The following CADPS2 variants were observed in gnomAD, a reference collection of about 807,000 sequenced individuals.
The protein encoded by CADPS2 is calcium-dependent secretion activator 2.
Under a neutral mutation model 172.5 loss-of-function variants are expected in CADPS2, and 93 were observed. The observed-to-expected ratio is 0.54, with a 90% confidence interval of 0.46 to 0.64. The LOEUF (loss-of-function observed/expected upper bound fraction) is 0.64. Among genes scored for constraint, CADPS2 ranks in the 30% least tolerant of loss-of-function variants. The pLI is 0.00. For synonymous variants in CADPS2, 546 were observed against 555.2 expected (o/e 0.98, Z 0.23); for missense variants, 1,420 against 1,565.9 (o/e 0.91, Z 1.57).
chr7:122,425,261 G>A (rs183261733), intron 17 of CADPS2, among the ~76,000 whole-genome samples: 1 of 151,672 alleles, frequency 6.6e-6, no homozygotes, highest in Non-Finnish European at 1.5e-5. Context: ...GATTACATTC[G>A]TGAGCCACCA....
At chr7:122,679,661 C>T (rs1246900189) in intron 2 of CADPS2, among the ~76,000 whole-genome samples, 2 of 152,142 alleles carry the variant, frequency 1.3e-5, no homozygotes, top group African/African-American at 4.8e-5. Context: ...GGTTTTACGG[C>T]TCAGGGGGCA....
chr7:122,784,559 C>A (rs1243846627), intron 1 of CADPS2, among the ~76,000 whole-genome samples: 1 of 152,148 alleles, frequency 6.6e-6, no homozygotes, highest in Non-Finnish European at 1.5e-5. Context: ...TTTTCTTAAT[C>A]TAGGCAGGAA....
chr7:122,447,363 G>C (rs1586135462), intron 15 of CADPS2, among the ~76,000 whole-genome samples: 2 of 151,452 alleles, frequency 1.3e-5, no homozygotes, highest in East Asian at 3.9e-4. Context: ...ATTCCAAGTG[G>C]GCAAATATCT....
chr7:122,811,442 CT>C (rs1357716623), intron 1 of CADPS2, among the ~76,000 whole-genome samples: 2 of 152,150 alleles, frequency 1.3e-5, no homozygotes, highest in Non-Finnish European at 2.9e-5. Flanking sequence ...GTAGCTGCTT[CT>C]AGTAAATTGA....
intron 15 of CADPS2, among the ~76,000 whole-genome samples, chr7:122,449,828 T>C (rs1341545300): frequency 6.6e-6 from 1 of 152,086 alleles, no homozygotes; most frequent in African/African-American, 2.4e-5. Context: ...CACTGTGGGA[T>C]TGTCTCATGT....
chr7:122,868,998 C>A (rs148228502), intron 1 of CADPS2, among the ~76,000 whole-genome samples: 1 of 151,716 alleles, frequency 6.6e-6, no homozygotes, highest in Non-Finnish European at 1.5e-5. Context: ...TGGAAATCAT[C>A]GAATCTGAGG....
chr7:122,576,783 T>C (rs1474178253), intron 7 of CADPS2, among the ~76,000 whole-genome samples: 12 of 151,480 alleles, frequency 7.9e-5, no homozygotes, highest in Non-Finnish European at 1.5e-4. Context: ...ATTTTTTTTT[T>C]TTTTTTTGAG....
chr7:122,627,206 C>T (rs1031179212), intron 4 of CADPS2, among the ~76,000 whole-genome samples: 4 of 152,174 alleles, frequency 2.6e-5, no homozygotes, highest in African/African-American at 9.7e-5. Flanking sequence ...CCTCAATTTC[C>T]TCTTCTATAA....
At chr7:122,798,590 C>G (rs967984871) in intron 1 of CADPS2, among the ~76,000 whole-genome samples, 1 of 152,128 alleles carries the variant, frequency 6.6e-6, no homozygotes, top group African/African-American at 2.4e-5. Flanking sequence ...ACAGGGAAAT[C>G]TTTCTGACAA....
intron 2 of CADPS2, among the ~76,000 whole-genome samples, chr7:122,687,503 T>TAAC (rs1465083783): frequency 2.0e-5 from 3 of 152,234 alleles, no homozygotes; most frequent in African/African-American, 7.2e-5. Context: ...ACCAGCTGTT[T>TAAC]AACTTTGGGC....
intron 8 of CADPS2, among the ~76,000 whole-genome samples, chr7:122,521,406 T>C (rs1419868601): frequency 1.4e-5 from 2 of 148,112 alleles, no homozygotes; most frequent in African/African-American, 5.0e-5. Flanking sequence ...GCTGCTTGCA[T>C]AAAAGGAATC....
chr7:122,490,041 C>G (rs765958229), intron 11 of CADPS2, 40 bp downstream of exon 11: 2 of 1,540,882 alleles, frequency 1.3e-6, no homozygotes, highest in Non-Finnish European at 1.8e-6. Flanking sequence ...CTTATTAAGG[C>G]TATTAATTGA....
intron 3 of CADPS2, among the ~76,000 whole-genome samples, chr7:122,658,585 G>A (rs1004653996): frequency 6.6e-6 from 1 of 152,170 alleles, no homozygotes; most frequent in African/African-American, 2.4e-5. Context: ...GTCCTTTGTA[G>A]GGACATGGAT....
intron 1 of CADPS2, among the ~76,000 whole-genome samples, chr7:122,789,644 T>A (rs1258733999): frequency 1.3e-5 from 2 of 152,226 alleles, no homozygotes; most frequent in Non-Finnish European, 2.9e-5. Flanking sequence ...TAAAAACGTC[T>A]ACAGATAAAT....
intron 1 of CADPS2, among the ~76,000 whole-genome samples, chr7:122,745,866 A>G (rs915352171): frequency 6.6e-6 from 1 of 152,092 alleles, no homozygotes; most frequent in Non-Finnish European, 1.5e-5. Context: ...AAAGTCTATC[A>G]TAGATAACTT....
chr7:122,720,216 T>C (rs2090197108), intron 2 of CADPS2, among the ~76,000 whole-genome samples: 2 of 152,010 alleles, frequency 1.3e-5, no homozygotes, highest in African/African-American at 2.4e-5. Context: ...ACGTATGCCA[T>C]AATAAAACCA....
intron 14 of CADPS2, among the ~76,000 whole-genome samples, chr7:122,466,754 T>C (rs2055190969): frequency 6.6e-6 from 1 of 152,190 alleles, no homozygotes; most frequent in Non-Finnish European, 1.5e-5. Flanking sequence ...GTAGCATTAA[T>C]GTTATTACTC....
At chr7:122,844,550 T>G (rs1417120956) in intron 1 of CADPS2, among the ~76,000 whole-genome samples, 1 of 152,224 alleles carries the variant, frequency 6.6e-6, no homozygotes, top group African/African-American at 2.4e-5. Flanking sequence ...TTTATCACAT[T>G]AATGCACAGG....
chr7:122,679,056 AAC>A lies in CADPS2; in HGVS notation c.454-15489_454-15488del, dbSNP rs2082688134. ...ATTGTTCGTAAAGCATGTGCGTTTG[AAC>A]AATATGAAATCTGGGCACCTTAAGA... On this transcript the variant is annotated intron_variant, in intron 2 of 29. Transcript: ENST00000449022. Among the ~76,000 whole-genome samples the A allele has an allele frequency of 5.3e-5, 8 of 152,182 alleles. 2 individuals are homozygous for A. The highest frequency in any genetic ancestry group is 5.2e-4 in the Admixed American group (8 of 15,292).
Sources: gnomAD v4.1 joint callset for allele counts (sites outside exome capture counted in the v4.1 genomes callset) on GRCh38, gnomAD v4.1.1 for gene constraint, MANE v1.5 for transcripts, NCBI Gene and HGNC (gene_info 2026-07-23, HGNC 2026-07-21) for gene names.